ANKRD30A: variants seen among roughly 807,000 people sequenced by gnomAD.
ANKRD30A encodes ankyrin repeat domain-containing protein 30A.
ANKRD30A carries 170 observed loss-of-function variants against 166.3 expected under a neutral mutation model. The ratio of observed to expected loss-of-function variants is 1.02; its 90% CI spans 0.90 to 1.16. The LOEUF (loss-of-function observed/expected upper bound fraction) is 1.16. ANKRD30A is among the 50% of genes most tolerant of loss of function. ANKRD30A has a pLI of 0.00. For missense variants in ANKRD30A, 1,630 were observed against 1,518.0 expected, an observed-to-expected ratio of 1.07 and a Z score of -1.23; for synonymous variants, 564 against 508.9, an observed-to-expected ratio of 1.11 and a Z score of -1.46.
In ANKRD30A at chr10:37,165,145, G is replaced by C. The variant is rs768559929; in HGVS notation, c.2054G>C (p.Trp685Ser). Residue 685 changes from tryptophan (W) to serine (S), a missense_variant, in exon 18 of 36, where the codon TGG becomes TCG. Physicochemically the swap from Trp to Ser is radical, Grantham distance 177. Transcript: ENST00000361713. ...SKQKDYEENS[W>S]DTESLCETVS... The stretch of plus-strand genomic sequence containing the variant: ...CAAAAGGACTATGAAGAAAATTCTT[G>C]GGATACTGAGGTACTGTGTGTTGTT... The C allele has an allele frequency of 6.8e-6, 11 of 1,607,564 alleles. No homozygotes were observed. Among genetic ancestry groups the C allele is most frequent in the African/African-American group, 5.4e-5 (4 of 74,724 alleles).
chr10:37,154,903 G>C (rs17606321), intron 13 of ANKRD30A, among the ~76,000 whole-genome samples: 1 of 152,000 alleles, frequency 6.6e-6, no homozygotes, highest in Admixed American at 6.6e-5. Context: ...ATTACTATGA[G>C]GCATCAAATA....
chr10:37,235,267 A>G (rs2132773713), downstream of ANKRD30A, among the ~76,000 whole-genome samples: 1 of 152,266 alleles, frequency 6.6e-6, no homozygotes, highest in East Asian at 1.9e-4. Flanking sequence ...CTTTAAATAT[A>G]TGTGTGGATC....
At chr10:37,128,782 G>A (rs907485832) in intron 1 of ANKRD30A, among the ~76,000 whole-genome samples, 4 of 151,804 alleles carry the variant, frequency 2.6e-5, no homozygotes, top group African/African-American at 4.8e-5. Context: ...TGGAGTATTA[G>A]GACTGAATCT....
chr10:37,202,682 A>G (rs1184566650), intron 31 of ANKRD30A, among the ~76,000 whole-genome samples: 1 of 152,222 alleles, frequency 6.6e-6, no homozygotes, highest in Non-Finnish European at 1.5e-5. Context: ...TCCTTCAAAA[A>G]ATCAATGAAT....
chr10:37,151,534 T>TA lies in ANKRD30A; in HGVS notation c.1646-525dup, dbSNP rs1219569456. Among the ~76,000 whole-genome samples, 5 of 152,152 alleles carry TA rather than the reference T, an allele frequency of 3.3e-5. No individual in the cohort carries two copies. In the East Asian group the frequency reaches 9.7e-4, roughly 29 times the overall value. ...ATATACACACCCAAAACACACCCAA[T>TA]ACACTGTCATAGAATATTGAAATGT... On this transcript the variant is annotated intron_variant, in intron 11 of 35. Transcript: ENST00000361713.
intron 13 of ANKRD30A, among the ~76,000 whole-genome samples, chr10:37,156,808 T>C (rs1838416796): frequency 6.6e-6 from 1 of 152,222 alleles, no homozygotes; most frequent in South Asian, 2.1e-4. Context: ...GAATAGAGAA[T>C]GACCTTCTCA....
intron 6 of ANKRD30A, among the ~76,000 whole-genome samples, chr10:37,137,090 C>G (rs1836750403): frequency 6.6e-6 from 1 of 151,584 alleles, no homozygotes; most frequent in South Asian, 2.1e-4. Context: ...GATTGATGAG[C>G]TCAGTAACAG....
At chr10:37,210,976 T>C (rs1842276590) in intron 31 of ANKRD30A, among the ~76,000 whole-genome samples, 1 of 152,118 alleles carries the variant, frequency 6.6e-6, no homozygotes, top group South Asian at 2.1e-4. Flanking sequence ...TTGAATTAAG[T>C]CCCATTTGTC....
chr10:37,147,928 T>G (rs577768082), intron 9 of ANKRD30A, among the ~76,000 whole-genome samples: 2 of 152,334 alleles, frequency 1.3e-5, no homozygotes, highest in Admixed American at 6.5e-5. Context: ...TCACTTTTCC[T>G]GTCTTTCTCA....
Position 37,197,262 on chromosome 10 carries a change from A to G in ANKRD30A, c.2615-19A>G, listed in dbSNP as rs1841209188. 6.2e-7 allele frequency: 1 copy of G among 1,610,220 alleles called. No homozygotes were observed. Among genetic ancestry groups the G allele is most frequent in the Non-Finnish European group, 8.5e-7 (1 of 1,177,396 alleles). On this transcript the variant is annotated intron_variant, in intron 27 of 35. Coordinates refer to ENST00000361713, the MANE Select transcript of ANKRD30A (RefSeq NM_052997.3). ...TCATATTTACTTATGATTGATGATA[A>G]ATCTCTTTTGCTTTTTAGAGCCTCC...
intron 29 of ANKRD30A, among the ~76,000 whole-genome samples, chr10:37,198,042 C>A (rs1841296807): frequency 6.6e-6 from 1 of 151,924 alleles, no homozygotes; most frequent in African/African-American, 2.4e-5. Flanking sequence ...AAGAATTATT[C>A]ATTTCTTTGT....
chr10:37,128,150 C>A (rs1157991506), intron 1 of ANKRD30A, among the ~76,000 whole-genome samples: 3 of 151,968 alleles, frequency 2.0e-5, no homozygotes, highest in Non-Finnish European at 4.4e-5. Context: ...TACACATAGA[C>A]TATGGTCTTG....
intron 34 of ANKRD30A, among the ~76,000 whole-genome samples, chr10:37,226,474 T>C (rs2132759337): frequency 6.6e-6 from 1 of 151,854 alleles, no homozygotes; most frequent in African/African-American, 2.4e-5. Context: ...CACATGCAGA[T>C]GCTATAGCAT....
chr10:37,155,996 G>A (rs1179925525), intron 13 of ANKRD30A, among the ~76,000 whole-genome samples: 2 of 151,866 alleles, frequency 1.3e-5, no homozygotes, highest in African/African-American at 4.8e-5. Context: ...CAGGAAAATG[G>A]CGTGAACTTG....
At chr10:37,130,583 T>A (rs1247829596) in intron 3 of ANKRD30A, among the ~76,000 whole-genome samples, 1 of 152,238 alleles carries the variant, frequency 6.6e-6, no homozygotes, top group African/African-American at 2.4e-5. Context: ...GCATTTATGA[T>A]AAATATTTGA....
At chr10:37,208,415 G>T (rs1242435439) in intron 31 of ANKRD30A, among the ~76,000 whole-genome samples, 1 of 152,052 alleles carries the variant, frequency 6.6e-6, no homozygotes, top group South Asian at 2.1e-4. Context: ...AGTTCCTACC[G>T]GTAAAACAAA....
the ANKRD30A span, among the ~76,000 whole-genome samples, chr10:37,242,240 T>C: frequency 6.6e-6 from 1 of 152,204 alleles, no homozygotes. Flanking sequence ...TTGTAATGTT[T>C]CCTTGTAATT....
chr10:37,214,056 T>C (rs1842480616), intron 31 of ANKRD30A, among the ~76,000 whole-genome samples: 1 of 151,698 alleles, frequency 6.6e-6, no homozygotes. Context: ...TTTGCAGTTC[T>C]ATCTTTGTAT....
At chr10:37,133,413 C>G (rs564377054) in intron 4 of ANKRD30A, among the ~76,000 whole-genome samples, 1 of 152,200 alleles carries the variant, frequency 6.6e-6, no homozygotes, top group Admixed American at 6.5e-5. Context: ...ATAATATGTC[C>G]TTTAAGGACT....
Sources: allele counts gnomAD v4.1 joint callset (sites outside exome capture counted in the v4.1 genomes callset), GRCh38; gene constraint gnomAD v4.1.1; transcripts MANE v1.5; gene names NCBI Gene and HGNC (gene_info 2026-07-23, HGNC 2026-07-21).